The following KCNH5 variants were observed in gnomAD, a reference collection of about 807,000 sequenced individuals.
The protein encoded by KCNH5 is voltage-gated delayed rectifier potassium channel KCNH5.
In KCNH5, 46 loss-of-function variants were observed where a neutral mutation model predicts 96.1. That is an observed-to-expected ratio of 0.48 (90% CI 0.38 to 0.61). The LOEUF (loss-of-function observed/expected upper bound fraction) is 0.61, where lower values mean the gene tolerates loss of function less well. Among genes scored for constraint, KCNH5 ranks in the 20% least tolerant of loss-of-function variants. The probability of loss-of-function intolerance (pLI) is 0.00; values close to 1 mark genes in which losing one functional copy is unlikely to be tolerated. For synonymous variants in KCNH5, 439 were observed against 449.8 expected, an observed-to-expected ratio of 0.98 and a Z score of 0.30; for missense variants, 907 against 1,225.8, an observed-to-expected ratio of 0.74 and a Z score of 3.88.
chr14:62,775,004 A>T (rs1264520569), intron 10 of KCNH5, among the ~76,000 whole-genome samples: 1 of 152,210 alleles, frequency 6.6e-6, no homozygotes, highest in East Asian at 1.9e-4. Flanking sequence ...ATTTTCAAAT[A>T]ATTTACAGTA....
At chr14:62,979,174 A>T (rs1267487785) in intron 6 of KCNH5, among the ~76,000 whole-genome samples, 2 of 152,156 alleles carry the variant, frequency 1.3e-5, no homozygotes, top group Admixed American at 1.3e-4. Context: ...TAAAATCTCA[A>T]TGTATTAATG....
At chr14:62,820,660 C>T (rs987904347) in intron 8 of KCNH5, among the ~76,000 whole-genome samples, 11 of 151,984 alleles carry the variant, frequency 7.2e-5, no homozygotes, top group African/African-American at 1.4e-4. Flanking sequence ...TCCTTGAAAA[C>T]GACATGATCT....
At chr14:63,005,917 G>C (rs946062042) in intron 3 of KCNH5, among the ~76,000 whole-genome samples, 6 of 152,268 alleles carry the variant, frequency 3.9e-5, no homozygotes, top group African/African-American at 1.4e-4. Flanking sequence ...CTGGCAAAAG[G>C]CCATATTGGT....
In KCNH5 at chr14:62,802,320, T is replaced by C; in HGVS notation, c.1822+9A>G. 1 of 1,612,706 alleles carries C rather than the reference T, an allele frequency of 6.2e-7. No individual in the cohort carries two copies. Among genetic ancestry groups the C allele is most frequent in the Non-Finnish European group, 8.5e-7 (1 of 1,178,808 alleles). On this transcript the variant is annotated intron_variant, in intron 9 of 10. Coordinates refer to ENST00000322893, the MANE Select transcript of KCNH5 (RefSeq NM_139318.5). ...GCATTTGCTACTACATTAGGAAAGT[T>C]CACAGTACCTAAAATAGCCACCACC...
intron 2 of KCNH5, among the ~76,000 whole-genome samples, chr14:63,007,553 G>A (rs1230741501): frequency 6.6e-6 from 1 of 152,116 alleles, no homozygotes; most frequent in African/African-American, 2.4e-5. Context: ...CCAACAGTAA[G>A]AGAGTTTTTA....
intron 1 of KCNH5, among the ~76,000 whole-genome samples, chr14:63,023,028 AC>A (rs1891458395): frequency 6.6e-6 from 1 of 151,840 alleles, no homozygotes; most frequent in South Asian, 2.1e-4. Flanking sequence ...ACATGGTGAC[AC>A]CCCATCTCTC....
At chr14:63,039,763 ATAAT>A (rs1036250995) in intron 1 of KCNH5, among the ~76,000 whole-genome samples, 2 of 152,106 alleles carry the variant, frequency 1.3e-5, no homozygotes, top group Middle Eastern at 3.2e-3. Context: ...ATAAATTCTA[ATAAT>A]TAATATAATA....
chr14:62,867,034 G>A (rs1888147820), intron 7 of KCNH5, among the ~76,000 whole-genome samples: 1 of 152,130 alleles, frequency 6.6e-6, no homozygotes, highest in Non-Finnish European at 1.5e-5. Flanking sequence ...CATTTACCCA[G>A]GAGTGATGCC....
intron 9 of KCNH5, among the ~76,000 whole-genome samples, chr14:62,781,680 C>T (rs908026913): frequency 2.6e-5 from 4 of 152,224 alleles, no homozygotes; most frequent in South Asian, 2.1e-4. Context: ...TCTGTTCCGC[C>T]GGGCTCACCG....
At chr14:62,807,567 C>T (rs1886792514) in intron 8 of KCNH5, among the ~76,000 whole-genome samples, 1 of 152,122 alleles carries the variant, frequency 6.6e-6, no homozygotes, top group Admixed American at 6.6e-5. Context: ...AGGTCATAAA[C>T]TGCTTCTTGA....
At chr14:62,817,785 TATA>T (rs201421800) in intron 8 of KCNH5, among the ~76,000 whole-genome samples, 5 of 128,988 alleles carry the variant, frequency 3.9e-5, no homozygotes, top group East Asian at 3.4e-4. Context: ...TAGGAATATA[TATA>T]TATATTCTAT....
At chr14:62,931,146 C>G (rs1012220208) in intron 7 of KCNH5, among the ~76,000 whole-genome samples, 10 of 152,008 alleles carry the variant, frequency 6.6e-5, no homozygotes, top group African/African-American at 2.4e-4. Context: ...AAAACAGAGA[C>G]CATGCAGAAC....
chr14:62,700,467 T>A lies in KCNH5; in HGVS notation c.*7041A>T, dbSNP rs147287129. On this transcript the variant is annotated 3_prime_UTR_variant, in exon 11 of 11. Coordinates refer to ENST00000322893, the MANE Select transcript of KCNH5 (RefSeq NM_139318.5). ...AGATGAAAGTGAACACTACACTTAT[T>A]CCCTCTCTGATAAAGGGTCATAAGA... 1 of 152,258 alleles carries A rather than the reference T, an allele frequency of 6.6e-6. No homozygotes were observed. Among genetic ancestry groups the A allele is most frequent in the African/African-American group, 2.4e-5 (1 of 41,564 alleles). 9.4% of individuals were successfully genotyped at this position (152,258 alleles called of 1,614,324 possible).
At chr14:62,724,044 T>C (rs1323423087) in intron 10 of KCNH5, among the ~76,000 whole-genome samples, 3 of 152,222 alleles carry the variant, frequency 2.0e-5, no homozygotes, top group Non-Finnish European at 4.4e-5. Context: ...ACTCAAGAAT[T>C]TGATTGTTCA....
At chr14:62,750,065 A>G (rs902708277) in intron 10 of KCNH5, among the ~76,000 whole-genome samples, 1 of 152,148 alleles carries the variant, frequency 6.6e-6, no homozygotes. Context: ...ATAAATATGT[A>G]AATATTTTAC....
intron 3 of KCNH5, among the ~76,000 whole-genome samples, chr14:63,001,820 A>T (rs1287677358): frequency 6.6e-6 from 1 of 152,152 alleles, no homozygotes; most frequent in Non-Finnish European, 1.5e-5. Context: ...TTCTTCTGAG[A>T]GTCTTACCAA....
At chr14:62,892,171 A>G (rs1196081694) in intron 7 of KCNH5, among the ~76,000 whole-genome samples, 1 of 152,236 alleles carries the variant, frequency 6.6e-6, no homozygotes, top group Non-Finnish European at 1.5e-5. Flanking sequence ...TTGTGAATGC[A>G]AAGGAAAAGT....
chr14:62,864,786 C>T (rs1426096660), intron 7 of KCNH5, among the ~76,000 whole-genome samples: 1 of 152,140 alleles, frequency 6.6e-6, no homozygotes, highest in Non-Finnish European at 1.5e-5. Context: ...CAGTAAGACA[C>T]CATTTTTCAT....
chr14:62,720,415 TA>T (rs5809165), intron 10 of KCNH5, among the ~76,000 whole-genome samples: 144,213 of 152,096 alleles, frequency 0.95, 68,802 homozygotes, highest in East Asian at 1. Context: ...CCGTCTCTAC[TA>T]AACAACAACA....
Sources: allele counts gnomAD v4.1 joint callset (sites outside exome capture counted in the v4.1 genomes callset), GRCh38; gene constraint gnomAD v4.1.1; transcripts MANE v1.5; gene names NCBI Gene and HGNC (gene_info 2026-07-23, HGNC 2026-07-21).